The following SPSB4 variants were observed in gnomAD, a reference collection of about 807,000 sequenced individuals.
SPSB4 encodes splA/ryanodine receptor domain and SOCS box containing 4.
A neutral mutation model predicts 20.9 loss-of-function variants in SPSB4; 21 were observed. The ratio of observed to expected loss-of-function variants is 1.01; its 90% CI spans 0.71 to 1.45. The LOEUF is 1.45. Among genes scored for constraint, SPSB4 ranks in the 40% most tolerant of loss-of-function variants. SPSB4 has a pLI of 0.00. For synonymous variants in SPSB4, 207 were observed against 183.8 expected, an observed-to-expected ratio of 1.13 and a Z score of -1.02; for missense variants, 399 against 399.2, an observed-to-expected ratio of 1.00 and a Z score of 0.00.
At chr3:141,134,047 TTCTTTTTTC>T in intron 2 of SPSB4, among the ~76,000 whole-genome samples, 1 of 127,164 alleles carries the variant, frequency 7.9e-6, no homozygotes, top group Non-Finnish European at 1.6e-5. Flanking sequence ...TTTTTTTTTT[TTCTTTTTTC>T]TTTTTTTTTT....
At chr3:141,106,810 C>T (rs547170904) in intron 2 of SPSB4, among the ~76,000 whole-genome samples, 10 of 152,180 alleles carry the variant, frequency 6.6e-5, no homozygotes, top group Non-Finnish European at 1.3e-4. Context: ...CCCACACCCT[C>T]AACCTACCTG....
At chr3:141,061,968 C>T (rs905754759) in intron 1 of SPSB4, among the ~76,000 whole-genome samples, 81 of 152,312 alleles carry the variant, frequency 5.3e-4, no homozygotes, top group African/African-American at 1.9e-3. Context: ...CTCTTGACCT[C>T]AAATGATCCA....
At chr3:141,111,837 A>G (rs541430110) in intron 2 of SPSB4, among the ~76,000 whole-genome samples, 255 of 152,276 alleles carry the variant, frequency 1.7e-3, no homozygotes, top group African/African-American at 5.9e-3. Context: ...GCAAGAGTCT[A>G]GGGCTTTGCC....
chr3:141,068,899 G>C (rs1937940843), intron 2 of SPSB4, among the ~76,000 whole-genome samples: 1 of 152,208 alleles, frequency 6.6e-6, no homozygotes, highest in Non-Finnish European at 1.5e-5. Flanking sequence ...CATGGAGATT[G>C]GGTGAGGAAA....
intron 2 of SPSB4, among the ~76,000 whole-genome samples, chr3:141,110,205 C>T (rs977992000): frequency 2.2e-4 from 34 of 152,356 alleles, no homozygotes; most frequent in African/African-American, 7.7e-4. Context: ...ACCACCTCTT[C>T]TCAGCCTCCC....
intron 2 of SPSB4, among the ~76,000 whole-genome samples, chr3:141,129,380 CTA>C (rs747493500): frequency 5.9e-5 from 9 of 152,308 alleles, no homozygotes; most frequent in Non-Finnish European, 1.2e-4. Context: ...AAGGATTACC[CTA>C]TGTTTGCTCC....
At chr3:141,102,783 G>C (rs577548046) in intron 2 of SPSB4, among the ~76,000 whole-genome samples, 1 of 152,292 alleles carries the variant, frequency 6.6e-6, no homozygotes, top group African/African-American at 2.4e-5. Flanking sequence ...TTACTAACAG[G>C]TAAGTGGCCC....
chr3:141,131,478 C>G (rs958294913), intron 2 of SPSB4, among the ~76,000 whole-genome samples: 1 of 151,676 alleles, frequency 6.6e-6, no homozygotes, highest in Admixed American at 6.6e-5. Flanking sequence ...AAATTCCAGC[C>G]CCCCCTTCCC....
In SPSB4 at chr3:141,066,778, G is replaced by A. The variant is rs1277516500; in HGVS notation, c.674G>A (p.Arg225His). 6 of 1,561,500 alleles carry A rather than the reference G, an allele frequency of 3.8e-6. No individual in the cohort carries two copies. Among genetic ancestry groups the A allele is most frequent in the Non-Finnish European group, 5.2e-6 (6 of 1,150,404 alleles). The change falls in exon 2 of 3, where the codon CGC becomes CAC. Residue 225 changes from arginine (R) to histidine (H), a missense_variant. Arg to His is a conservative substitution (Grantham distance 29). Coordinates refer to ENST00000310546, the MANE Select transcript of SPSB4 (RefSeq NM_080862.3). ...AVWGHCEVTM[R>H]YINGLDPEPL... ...TGGGGCCACTGTGAAGTCACCATGC[G>A]CTACATCAACGGCCTTGACCGTAAG...
At chr3:141,058,500 C>T (rs1396253142) in intron 1 of SPSB4, among the ~76,000 whole-genome samples, 1 of 152,158 alleles carries the variant, frequency 6.6e-6, no homozygotes, top group Non-Finnish European at 1.5e-5. Flanking sequence ...TGGCTGCTTA[C>T]TGGGTTGAGA....
intron 1 of SPSB4, among the ~76,000 whole-genome samples, chr3:141,057,183 T>C (rs1022432392): frequency 1.3e-5 from 2 of 152,214 alleles, no homozygotes; most frequent in African/African-American, 4.8e-5. Context: ...TCCATGTGTG[T>C]ATAGCAGGGA....
chr3:141,077,088 GC>G (rs1466086432), intron 2 of SPSB4: 1 of 152,138 alleles, frequency 6.6e-6, no homozygotes, highest in East Asian at 1.9e-4. Context: ...GTGAGTTACG[GC>G]CTCGCCCAGA....
At chr3:141,061,211 G>A (rs1255906312) in intron 1 of SPSB4, among the ~76,000 whole-genome samples, 1 of 151,694 alleles carries the variant, frequency 6.6e-6, no homozygotes, top group African/African-American at 2.4e-5. Flanking sequence ...ATAATTTTTA[G>A]GTGAAATAAT....
chr3:141,057,863 A>G (rs553656010), intron 1 of SPSB4, among the ~76,000 whole-genome samples: 1 of 152,346 alleles, frequency 6.6e-6, no homozygotes, highest in East Asian at 1.9e-4. Flanking sequence ...AGTGGTATCT[A>G]ACTGGATTTC....
chr3:141,106,288 G>C (rs141363851), intron 2 of SPSB4, among the ~76,000 whole-genome samples: 77 of 152,316 alleles, frequency 5.1e-4, no homozygotes, highest in African/African-American at 1.8e-3. Context: ...GAGATAGTGT[G>C]GGGCAAGGCT....
chr3:141,089,451 C>T (rs1194397417), intron 2 of SPSB4, among the ~76,000 whole-genome samples: 1 of 152,146 alleles, frequency 6.6e-6, no homozygotes, highest in African/African-American at 2.4e-5. Context: ...ACTCTGAGTC[C>T]TGAAATCTGG....
At position 141,066,183 on chromosome 3, in the gene SPSB4, C is replaced by T; in HGVS notation, c.79C>T (p.Arg27Trp). 1 of 1,533,202 alleles carries T rather than the reference C, an allele frequency of 6.5e-7. No homozygotes were observed. The highest frequency in any genetic ancestry group is 8.8e-7 in the Non-Finnish European group (1 of 1,141,908). 95.0% of individuals were successfully genotyped at this position (1,533,202 alleles called of 1,614,324 possible). A position where few individuals can be genotyped will look rare whatever the true frequency, so the allele number is the denominator to read the frequency against. Residue 27 changes from arginine (R) to tryptophan (W), a missense_variant, in exon 2 of 3, where the codon CGG becomes TGG. By Grantham distance (101) the Arg-to-Trp change is moderately radical. Transcript: ENST00000310546. ...PALRPAKREL[R>W]GAEPGRPARL... ...GCTGCGGCCGGCCAAGCGGGAGCTG[C>T]GGGGTGCAGAGCCCGGGCGGCCGGC...
chr3:141,054,137 T>C (rs1936141976), intron 1 of SPSB4, among the ~76,000 whole-genome samples: 1 of 152,252 alleles, frequency 6.6e-6, no homozygotes. Context: ...TTCCTTGCCC[T>C]TTTGGGGAAA....
At chr3:141,084,090 G>A (rs905407281) in intron 2 of SPSB4, among the ~76,000 whole-genome samples, 4 of 152,214 alleles carry the variant, frequency 2.6e-5, no homozygotes, top group Admixed American at 1.3e-4. Flanking sequence ...GAAGCCCGGC[G>A]TCGCTGGGTA....
Sources: gnomAD v4.1 joint callset for allele counts (sites outside exome capture counted in the v4.1 genomes callset) on GRCh38, gnomAD v4.1.1 for gene constraint, MANE v1.5 for transcripts, NCBI Gene and HGNC (gene_info 2026-07-23, HGNC 2026-07-21) for gene names.